AFF3: variants seen among roughly 807,000 people sequenced by gnomAD.
AFF3 encodes the protein ALF transcription elongation factor 3.
In AFF3, 32 loss-of-function variants were observed where a neutral mutation model predicts 129.7. The ratio of observed to expected loss-of-function variants is 0.25; its 90% confidence interval spans 0.19 to 0.33. The LOEUF is 0.33. AFF3 is among the 10% of genes least tolerant of loss of function. The pLI is 1.00. For missense variants in AFF3, 1,373 were observed against 1,592.0 expected (o/e 0.86, Z 2.34); for synonymous variants, 644 against 635.4 (o/e 1.01, Z -0.20).
chr2:99,803,553 C>A (rs1235577681), intron 8 of AFF3, among the ~76,000 whole-genome samples: 1 of 152,088 alleles, frequency 6.6e-6, no homozygotes, highest in Admixed American at 6.6e-5. Flanking sequence ...AAAATACCAA[C>A]ATCATTTTCA....
chr2:100,080,691 G>A (rs549561773), intron 4 of AFF3, among the ~76,000 whole-genome samples: 1 of 152,276 alleles, frequency 6.6e-6, no homozygotes, highest in East Asian at 1.9e-4. Context: ...TTTACTTGAG[G>A]GAAATGATCT....
chr2:99,601,775 C>A (rs893712366), intron 13 of AFF3, among the ~76,000 whole-genome samples, 154 bp from the exon 14 acceptor site: 1 of 152,216 alleles, frequency 6.6e-6, no homozygotes, highest in Non-Finnish European at 1.5e-5. Flanking sequence ...GAGCAGGCAT[C>A]GAGGTCAAAG....
In AFF3 at chr2:100,090,821, C is replaced by T. The variant is rs2576684; in HGVS notation, c.53+13581G>A. Among the ~76,000 whole-genome samples the T allele has an allele frequency of 1.9e-3, 289 of 152,224 alleles. 1 individual carries two copies. Among genetic ancestry groups the T allele is most frequent in the South Asian group, 3.9e-3 (19 of 4,820 alleles). ...GATCCCGATGAGCTGGGATTACAGG[C>T]GTCCACCACCACGCCTAGCTAATTT... On this transcript the variant is annotated intron_variant, in intron 4 of 24. Coordinates refer to ENST00000672756, the MANE Select transcript of AFF3 (RefSeq NM_001386135.1).
chr2:100,113,746 G>A (rs1691616047), intron 2 of AFF3, among the ~76,000 whole-genome samples: 1 of 152,192 alleles, frequency 6.6e-6, no homozygotes. Flanking sequence ...AAGTCAAAGT[G>A]AGAGTGAGGA....
chr2:99,826,009 TA>T lies in AFF3; in HGVS notation c.921+11467del, dbSNP rs898040456. Among the ~76,000 whole-genome samples, 28 of 147,080 alleles carry T rather than the reference TA, an allele frequency of 1.9e-4. 1 individual carries two copies. Among genetic ancestry groups the T allele is most frequent in the Admixed American group, 8.5e-4 (12 of 14,196 alleles). ...ATTATTCTTCATCCATTTATTCACT[TA>T]AAAAATTTTTTTTTAATTTTTTGAG... On this transcript the variant is annotated intron_variant, in intron 8 of 24. Coordinates refer to ENST00000672756, the MANE Select transcript of AFF3 (RefSeq NM_001386135.1).
intron 7 of AFF3, among the ~76,000 whole-genome samples, chr2:99,891,483 C>A (rs1693546700): frequency 6.6e-6 from 1 of 152,182 alleles, no homozygotes; most frequent in African/African-American, 2.4e-5. Flanking sequence ...AGCATCACAG[C>A]CTCCAGCAGA....
At chr2:99,907,919 C>T (rs1334321643) in intron 7 of AFF3, among the ~76,000 whole-genome samples, 1 of 152,190 alleles carries the variant, frequency 6.6e-6, no homozygotes, top group Non-Finnish European at 1.5e-5. Context: ...CAAAGAGAAT[C>T]TTGATCCTTT....
chr2:99,752,119 G>T, intron 9 of AFF3, 102 bp downstream of exon 9: 1 of 1,065,640 alleles, frequency 9.4e-7, no homozygotes, highest in Non-Finnish European at 1.4e-6. Context: ...CCTCTGGCAG[G>T]AATATTTACA....
At chr2:99,987,497 C>T (rs1335958582) in intron 7 of AFF3, among the ~76,000 whole-genome samples, 1 of 152,194 alleles carries the variant, frequency 6.6e-6, no homozygotes, top group Non-Finnish European at 1.5e-5. Context: ...AGTGCCACAG[C>T]TCATTTAATT....
intron 2 of AFF3, chr2:100,107,401 A>C (rs889849640): frequency 2.0e-6 from 2 of 985,174 alleles, no homozygotes; most frequent in Non-Finnish European, 1.2e-6. Context: ...AATACAAAGC[A>C]AAAAAAGGGT....
At chr2:100,121,475 C>A (rs150127008) in intron 2 of AFF3, among the ~76,000 whole-genome samples, 68 of 152,290 alleles carry the variant, frequency 4.5e-4, no homozygotes, top group African/African-American at 1.6e-3. Context: ...GTGAAATTCT[C>A]AATAAACTAG....
At chr2:100,004,936 A>G (rs1381176097) in intron 7 of AFF3, among the ~76,000 whole-genome samples, 1 of 152,122 alleles carries the variant, frequency 6.6e-6, no homozygotes, top group Non-Finnish European at 1.5e-5. Flanking sequence ...TCAAAGCATG[A>G]CTGGCCTTTT....
At chr2:99,554,655 G>A (rs1331539969) in intron 23 of AFF3, 28 bp downstream of exon 23, 17 of 1,614,052 alleles carry the variant, frequency 1.1e-5, no homozygotes, top group South Asian at 4.4e-5. Context: ...TCTGGCTTAC[G>A]GCATTGACTT....
intron 11 of AFF3, among the ~76,000 whole-genome samples, chr2:99,713,521 C>G (rs181914767): frequency 5.9e-5 from 9 of 151,902 alleles, no homozygotes; most frequent in Non-Finnish European, 1.3e-4. Context: ...CCCGCCTCAG[C>G]CTCCCAAAGT....
chr2:99,584,503 A>G (rs1677903308), intron 16 of AFF3, among the ~76,000 whole-genome samples: 1 of 152,114 alleles, frequency 6.6e-6, no homozygotes, highest in Non-Finnish European at 1.5e-5. Context: ...AATAATAAAT[A>G]AAAATGGTGA....
At chr2:100,119,764 T>G (rs1025780270) in intron 2 of AFF3, among the ~76,000 whole-genome samples, 1 of 152,128 alleles carries the variant, frequency 6.6e-6, no homozygotes, top group African/African-American at 2.4e-5. Flanking sequence ...CCAGCAACAG[T>G]GTTGCATGTC....
chr2:99,705,902 A>AAAAC (rs1677335542), intron 11 of AFF3, among the ~76,000 whole-genome samples: 1 of 129,670 alleles, frequency 7.7e-6, no homozygotes, highest in African/African-American at 2.9e-5. Context: ...AAAAAAAAAC[A>AAAAC]CGCCCTTTGG....
At chr2:99,992,131 A>C (rs1559038814) in intron 7 of AFF3, among the ~76,000 whole-genome samples, 2 of 152,182 alleles carry the variant, frequency 1.3e-5, no homozygotes, top group Non-Finnish European at 2.9e-5. Context: ...TTTATTAAAA[A>C]GTAGGCATCC....
At chr2:99,802,858 T>C (rs990433711) in intron 8 of AFF3, among the ~76,000 whole-genome samples, 2 of 152,108 alleles carry the variant, frequency 1.3e-5, no homozygotes, top group African/African-American at 4.8e-5. Flanking sequence ...GGTCTTTTGG[T>C]GGAGTCTTTA....
Sources: allele counts gnomAD v4.1 joint callset (sites outside exome capture counted in the v4.1 genomes callset), GRCh38; gene constraint gnomAD v4.1.1; transcripts MANE v1.5; gene names NCBI Gene and HGNC (gene_info 2026-07-23, HGNC 2026-07-21).